CDCP1: variants seen among roughly 807,000 people sequenced by gnomAD.
CDCP1 encodes the protein CUB domain-containing protein 1.
A neutral mutation model predicts 60.2 loss-of-function variants in CDCP1; 29 were observed. The observed-to-expected ratio is 0.48, with a 90% CI of 0.36 to 0.66. CDCP1 has a LOEUF of 0.66. CDCP1 is among the 30% of genes least tolerant of loss of function. The pLI, the probability that CDCP1 is intolerant of heterozygous loss-of-function variation, is 0.00. For missense variants in CDCP1, 876 were observed against 1,074.3 expected (o/e 0.82, Z 2.58); for synonymous variants, 387 against 431.1 (o/e 0.90, Z 1.27).
In CDCP1 at chr3:45,112,410, G is replaced by T; in HGVS notation, c.328C>A (p.Gln110Lys). The change falls in exon 3 of 9, where the codon CAG (glutamine) becomes AAG (lysine). Residue 110 changes from glutamine to lysine, a missense_variant. Gln to Lys is a moderately conservative substitution (Grantham distance 53). Around this residue, in one of 2 missense-constraint regions of CDCP1, gnomAD observed 150 missense variants for 138.6 expected, o/e 1.08. Transcript: ENST00000296129. ...AACAACGATGTCGAGGGCTGAAGCT[G>T]AACCTCCCCAAAAGGACATGGGCCT... ...MSGPCPFGEV[Q>K]LQPSTSLLPT... 1 of 1,614,130 alleles carries T rather than the reference G, an allele frequency of 6.2e-7. No homozygotes were observed. The highest frequency in any genetic ancestry group is 2.2e-5 in the East Asian group (1 of 44,884).
chr3:45,128,365 A>G (rs1449721227), intron 1 of CDCP1, among the ~76,000 whole-genome samples: 1 of 152,250 alleles, frequency 6.6e-6, no homozygotes, highest in Non-Finnish European at 1.5e-5. Context: ...AGTTACTGTC[A>G]TGCCAGGTGC....
intron 5 of CDCP1, among the ~76,000 whole-genome samples, chr3:45,094,282 G>C (rs543887077): frequency 6.6e-5 from 10 of 151,898 alleles, no homozygotes; most frequent in Non-Finnish European, 1.5e-4. Flanking sequence ...CTGGAGTGAA[G>C]TGGTGCGATC....
intron 1 of CDCP1, among the ~76,000 whole-genome samples, chr3:45,129,123 GT>G (rs771601979): frequency 1.3e-5 from 2 of 152,212 alleles, no homozygotes; most frequent in Non-Finnish European, 2.9e-5. Context: ...GTGGTGACAG[GT>G]TTGCACAGAA....
Position 45,086,035 on chromosome 3 carries a change from C to A in CDCP1, c.2114G>T (p.Gly705Val), listed in dbSNP as rs1171235882. Residue 705 changes from glycine (G) to valine (V), a missense_variant, in exon 9 of 9, where the codon GGT becomes GTT. Physicochemically the swap from Gly to Val is moderately radical, Grantham distance 109. Around this residue, in one of 2 missense-constraint regions of CDCP1, gnomAD observed 726 missense variants for 935.7 expected, o/e 0.78. Transcript: ENST00000296129. ...KKKTNKGPAV[G>V]IYNDNINTEM... ...AGTATTGATGTTGTCATTGTAGATA[C>A]CCACAGCGGGGCCCTTGTTTGTCTT... 5.6e-6 allele frequency: 9 copies of A among 1,613,964 alleles called. No homozygotes were observed. The highest frequency in any genetic ancestry group is 7.6e-6 in the Non-Finnish European group (9 of 1,180,002).
chr3:45,109,873 G>T (rs1002142139), intron 4 of CDCP1, among the ~76,000 whole-genome samples: 1 of 152,058 alleles, frequency 6.6e-6, no homozygotes, highest in African/African-American at 2.4e-5. Flanking sequence ...ATCCTAACTG[G>T]GCTTCAGTGT....
chr3:45,087,169 T>A (rs1185693587), intron 8 of CDCP1, among the ~76,000 whole-genome samples: 1 of 152,154 alleles, frequency 6.6e-6, no homozygotes, highest in African/African-American at 2.4e-5. Context: ...CTCATCATTG[T>A]CCCCAGTACC....
intron 1 of CDCP1, among the ~76,000 whole-genome samples, chr3:45,126,104 C>G (rs373732952): frequency 1.0e-5 from 1 of 99,156 alleles, no homozygotes; most frequent in African/African-American, 3.4e-5. Context: ...TTCTTTGTCT[C>G]TCTCTCTTTC....
intron 3 of CDCP1, 79 bp from the exon 4 acceptor site, chr3:45,110,920 G>C: frequency 6.7e-7 from 1 of 1,492,902 alleles, no homozygotes; most frequent in Non-Finnish European, 9.0e-7. Flanking sequence ...CGAGGGGTGG[G>C]GGTGTAGGAA....
intron 1 of CDCP1, among the ~76,000 whole-genome samples, chr3:45,137,913 T>C (rs1272844202): frequency 6.6e-6 from 1 of 152,116 alleles, no homozygotes; most frequent in Non-Finnish European, 1.5e-5. Context: ...TCCAAGCCAG[T>C]TCCAGAGTAA....
chr3:45,120,713 A>G (rs1367613011), intron 1 of CDCP1, among the ~76,000 whole-genome samples: 1 of 152,120 alleles, frequency 6.6e-6, no homozygotes, highest in Non-Finnish European at 1.5e-5. Context: ...CACCTTAGTC[A>G]CTGTGTTCAG....
At chr3:45,145,899 C>T (rs1318914877) in intron 1 of CDCP1, among the ~76,000 whole-genome samples, 1 of 152,028 alleles carries the variant, frequency 6.6e-6, no homozygotes, top group Admixed American at 6.5e-5. Flanking sequence ...CTTTTCCCGC[C>T]TTCTCGGCCA....
In CDCP1 at chr3:45,095,415, G is replaced by A; in HGVS notation, c.1178C>T (p.Ser393Phe). The A allele has an allele frequency of 6.2e-7, 1 of 1,614,172 alleles. No individual in the cohort carries two copies. The highest frequency in any genetic ancestry group is 1.1e-5 in the South Asian group (1 of 91,084). ...CSSNLTLTSGSKHKISFLCDD... is the reference protein window; with the variant it reads ...CSSNLTLTSGFKHKISFLCDD... Reference sequence around the variant, plus strand: ...ACAAAGGAAGGAGATTTTGTGTTTGGAGCCAGATGTCAGGGTGAGGTTGCT... The same window carrying A: ...ACAAAGGAAGGAGATTTTGTGTTTGAAGCCAGATGTCAGGGTGAGGTTGCT... The change falls in exon 5 of 9, where the codon TCC (serine) becomes TTC (phenylalanine). Residue 393 changes from serine to phenylalanine, a missense_variant. By Grantham distance (155) the Ser-to-Phe change is radical. This residue lies in a region of CDCP1 where 726 missense variants were observed against 935.7 expected (regional missense o/e 0.78). Transcript: ENST00000296129.
At chr3:45,100,127 A>G (rs545935237) in intron 4 of CDCP1, among the ~76,000 whole-genome samples, 148 of 152,324 alleles carry the variant, frequency 9.7e-4, no homozygotes, top group African/African-American at 3.5e-3. Context: ...TGGGGAGCCC[A>G]TAACATCAAT....
chr3:45,110,795 G>C lies in CDCP1; in HGVS notation c.702C>G (p.Thr234=), dbSNP rs773640403. 51 of 1,614,094 alleles carry C rather than the reference G, an allele frequency of 3.2e-5. No homozygotes were observed. The highest frequency in any genetic ancestry group is 4.2e-5 in the Non-Finnish European group (50 of 1,180,008). ...CTTCTGGGTAGTTGGCAGACATCAG[G>C]GTTGCTGAGCCTTCACCCTCAAACA... ...ESVFEGEGSA[T]LMSANYPEGF... Residue 234 remains threonine, a synonymous_variant, in exon 4 of 9, where the codon ACC becomes ACG. Transcript: ENST00000296129.
At chr3:45,132,106 C>A (rs955423391) in intron 1 of CDCP1, among the ~76,000 whole-genome samples, 2 of 151,958 alleles carry the variant, frequency 1.3e-5, no homozygotes, top group African/African-American at 4.8e-5. Flanking sequence ...CGTGGTGGCA[C>A]ATGCCTGTAA....
chr3:45,144,764 T>C (rs1274762802), intron 1 of CDCP1, among the ~76,000 whole-genome samples: 1 of 152,204 alleles, frequency 6.6e-6, no homozygotes, highest in African/African-American at 2.4e-5. Flanking sequence ...AGCACACATA[T>C]ACACATATTT....
intron 5 of CDCP1, 148 bp downstream of exon 5, chr3:45,095,199 G>C: frequency 1.5e-6 from 1 of 680,172 alleles, no homozygotes. Flanking sequence ...CTCCCAAAGT[G>C]CTGGGATTAC....
chr3:45,130,631 G>C (rs1020607851), intron 1 of CDCP1, among the ~76,000 whole-genome samples: 1 of 152,090 alleles, frequency 6.6e-6, no homozygotes, highest in Non-Finnish European at 1.5e-5. Context: ...AGGGCTTCAC[G>C]GTTCTTGTTA....
At position 45,143,520 on chromosome 3, in the gene CDCP1, G is replaced by A. The variant is rs1161221010; in HGVS notation, c.82+2686C>T. On this transcript the variant is annotated intron_variant, in intron 1 of 8. Transcript: ENST00000296129. ...CATACAATGGGATGATCCCATTTTTGGTTTGTGCACATGAGCGTGCATACA... is the reference window on the plus strand; with the variant it reads ...CATACAATGGGATGATCCCATTTTTAGTTTGTGCACATGAGCGTGCATACA... Among the ~76,000 whole-genome samples, 3 of 152,142 alleles carry A rather than the reference G, an allele frequency of 2.0e-5. No homozygotes were observed. The East Asian group carries it at 5.8e-4, about 29-fold the overall frequency.
Sources: allele counts gnomAD v4.1 joint callset (sites outside exome capture counted in the v4.1 genomes callset), GRCh38; gene constraint gnomAD v4.1.1; regional missense constraint gnomAD v4.1.1; transcripts MANE v1.5; gene names NCBI Gene and HGNC (gene_info 2026-07-23, HGNC 2026-07-21).